Variants in HEATR4 observed in about 807,000 individuals in gnomAD.
The protein encoded by HEATR4 is HEAT repeat-containing protein 4.
In HEATR4, 95 loss-of-function variants were observed where a neutral mutation model predicts 108.8. That is an observed-to-expected ratio of 0.87 (90% CI 0.74 to 1.04). The LOEUF (loss-of-function observed/expected upper bound fraction) is 1.04. HEATR4 is among the 50% of genes least tolerant of loss of function. HEATR4 has a pLI of 0.00. For synonymous variants in HEATR4, 443 were observed against 459.4 expected (o/e 0.96, Z 0.46); for missense variants, 1,152 against 1,253.8 (o/e 0.92, Z 1.23).
At chr14:73,556,371 G>A (rs139857263) in intron 1 of HEATR4, among the ~76,000 whole-genome samples, 4,122 of 110,458 alleles carry the variant, frequency 0.037, 1,271 homozygotes, top group Non-Finnish European at 0.056. Flanking sequence ...GTTGCAGTGA[G>A]CCAAGATCAC....
At position 73,537,414 on chromosome 14, in the gene HEATR4, C is replaced by G. The variant is rs751072963; in HGVS notation, c.-151-7170G>C. ...CAGTTTGGCCGGATTATTTGGGTTC[C>G]TGCTCGGATGGCGGCGACGCTGATC... On this transcript the variant is annotated intron_variant, in intron 1 of 17. Transcript: ENST00000553558. 67 of 1,234,788 alleles carry G rather than the reference C, an allele frequency of 5.4e-5. 17 individuals carry two copies. Among genetic ancestry groups the G allele is most frequent in the Non-Finnish European group, 7.0e-5 (65 of 931,794 alleles). The allele number at this position is 1,234,788 out of a possible 1,614,324, so 76.5% of individuals were successfully genotyped here. A position where few individuals can be genotyped will look rare whatever the true frequency, so the allele number is the denominator to read the frequency against.
In HEATR4 at chr14:73,514,132, C is replaced by T; in HGVS notation, c.1313G>A (p.Arg438Lys). The T allele has an allele frequency of 6.2e-7, 1 of 1,614,202 alleles. No homozygotes were observed. The highest frequency in any genetic ancestry group is 8.5e-7 in the Non-Finnish European group (1 of 1,180,050). ...TGATTTTGCCTGCTTCTTCAATCTC[C>T]TGGTCTTAATAGGCACATCCTTCTC... ...VGEKDVPIKT[R>K]RLKKQAKSLQ... Residue 438 changes from arginine (R) to lysine (K), a missense_variant, in exon 6 of 18, where the codon AGG becomes AAG. Arg to Lys is a conservative substitution (Grantham distance 26). Transcript: ENST00000553558.
At position 73,492,163 on chromosome 14, in the gene HEATR4, C is replaced by T. The variant is rs142849889; in HGVS notation, c.2844+903G>A. ...GCCCCAACTTCAGTCAGGACGACCT[C>T]GGTGAGCCGGTGCTGCAGACCGTGC... On this transcript the variant is annotated intron_variant, in intron 17 of 17. Coordinates refer to ENST00000553558, the MANE Select transcript of HEATR4 (RefSeq NM_001220484.1). The surrounding 1 kb of genome is among the most constrained non-coding windows in gnomAD (Gnocchi z 4.9). The T allele has an allele frequency of 4.2e-4, 681 of 1,613,992 alleles. 2 individuals carry two copies. The African/African-American group carries it at 7.8e-3, about 18-fold the overall frequency.
intron 1 of HEATR4, among the ~76,000 whole-genome samples, chr14:73,532,962 T>A (rs71426976): frequency 0.37 from 39,770 of 107,656 alleles, 14,812 homozygotes; most frequent in Admixed American, 0.49. Flanking sequence ...CTCAAAAAAA[T>A]AAATAAATAA....
intron 1 of HEATR4, among the ~76,000 whole-genome samples, chr14:73,540,766 C>T (rs1453969733): frequency 1.0e-5 from 1 of 98,694 alleles, no homozygotes; most frequent in African/African-American, 3.7e-5. Context: ...TTTTTTGAGA[C>T]AGTGTCTCGC....
intron 17 of HEATR4, among the ~76,000 whole-genome samples, chr14:73,482,644 T>C (rs1415450451): frequency 6.6e-6 from 1 of 152,176 alleles, no homozygotes; most frequent in East Asian, 1.9e-4. Flanking sequence ...CTGTAGAACT[T>C]TACAGCAAGA....
the HEATR4 span, among the ~76,000 whole-genome samples, chr14:73,605,050 A>G: frequency 6.6e-6 from 1 of 152,072 alleles, no homozygotes; most frequent in Non-Finnish European, 1.5e-5. Context: ...TCATGTGTGC[A>G]TAAGAGTGGC....
the HEATR4 span, chr14:73,619,891 T>G: frequency 8.0e-6 from 12 of 1,501,292 alleles, no homozygotes; most frequent in Non-Finnish European, 1.1e-5. Context: ...TCATACAACT[T>G]GTGTTGGGTT....
chr14:73,523,089 G>A lies in HEATR4; in HGVS notation c.64C>T (p.Arg22Ter), dbSNP rs547969320. ...PHCFYQSLPP[R>*]LGWGMILNYS... is the part of the protein sequence containing the mutation. ...TTTAAAATCATGCCCCATCCCAGTC[G>A]TGGGGGCAGTGACTGATAGAAGCAA... Residue 22 changes from arginine (R) to a stop codon, truncating the protein, a stop_gained, in exon 3 of 18, where the codon CGA becomes TGA. Coordinates refer to ENST00000553558, the MANE Select transcript of HEATR4 (RefSeq NM_001220484.1). LOFTEE classifies it high-confidence loss of function. The A allele has an allele frequency of 1.1e-4, 173 of 1,611,762 alleles. No homozygotes were observed. Among genetic ancestry groups the A allele is most frequent in the Non-Finnish European group, 4.2e-5 (50 of 1,179,996 alleles).
the HEATR4 span, among the ~76,000 whole-genome samples, chr14:73,584,334 ATC>A: frequency 2.7e-5 from 4 of 150,382 alleles, no homozygotes; most frequent in Non-Finnish European, 5.9e-5. Flanking sequence ...ACTCACCTCC[ATC>A]TCTTTTTCTG....
Position 73,522,337 on chromosome 14 carries a change from A to T in HEATR4, c.816T>A (p.Asp272Glu), listed in dbSNP as rs1170857110. Residue 272 changes from aspartate to glutamate, a missense_variant, in exon 3 of 18, where the codon GAT (aspartate) becomes GAA (glutamate). Coordinates refer to ENST00000553558, the MANE Select transcript of HEATR4 (RefSeq NM_001220484.1). Reference protein sequence around the residue: ...LEAEETAEFEDQSVILPPQEK... With the variant: ...LEAEETAEFEEQSVILPPQEK... The stretch of plus-strand genomic sequence containing the variant: ...CCTGTGGGGGCAGGATGACACTTTG[A>T]TCCTCAAACTCTGCTGTCTCTTCTG... The T allele has an allele frequency of 6.2e-7, 1 of 1,614,178 alleles. No individual in the cohort carries two copies.
intron 1 of HEATR4, among the ~76,000 whole-genome samples, chr14:73,553,000 C>A (rs1424721548): frequency 8.7e-6 from 1 of 115,018 alleles, no homozygotes; most frequent in African/African-American, 2.8e-5. Context: ...CTGACTCCCA[C>A]TGTTCCTGGC....
At chr14:73,612,822 T>G in the HEATR4 span, 1 of 1,423,894 alleles carries the variant, frequency 7.0e-7, no homozygotes, top group Non-Finnish European at 9.3e-7. Context: ...CTGTGGGCGT[T>G]GGAGCCCGAG....
chr14:73,524,028 C>T (rs1278965056), intron 2 of HEATR4, among the ~76,000 whole-genome samples: 3 of 151,954 alleles, frequency 2.0e-5, no homozygotes, highest in East Asian at 1.9e-4. Context: ...CAGTGGCTCA[C>T]GCCTGTAATC....
At chr14:73,628,383 C>G in the HEATR4 span, among the ~76,000 whole-genome samples, 2 of 152,156 alleles carry the variant, frequency 1.3e-5, no homozygotes, top group Non-Finnish European at 2.9e-5. Flanking sequence ...CTCAAGCAAT[C>G]CTCCCATCTC....
chr14:73,491,173 G>A, intron 17 of HEATR4: 1 of 1,601,890 alleles, frequency 6.2e-7, no homozygotes, highest in Non-Finnish European at 8.5e-7. Context: ...GCATGGCAGC[G>A]CTGAGGACGC....
At chr14:73,604,365 A>T in the HEATR4 span, among the ~76,000 whole-genome samples, 91 of 151,156 alleles carry the variant, frequency 6.0e-4, no homozygotes, top group African/African-American at 2.0e-3. Context: ...GGGCTTCACC[A>T]TGTTGGCCAG....
chr14:73,567,369 T>TG, the HEATR4 span, among the ~76,000 whole-genome samples: 2 of 152,092 alleles, frequency 1.3e-5, no homozygotes, highest in Non-Finnish European at 2.9e-5. Flanking sequence ...CTGGGTTGGG[T>TG]GGGGACTTGG....
chr14:73,606,594 A>T, the HEATR4 span, among the ~76,000 whole-genome samples: 15 of 152,222 alleles, frequency 9.9e-5, no homozygotes, highest in African/African-American at 3.6e-4. Flanking sequence ...AGGTGAACCC[A>T]TTGGGTGGTT....
Sources: allele counts gnomAD v4.1 joint callset (sites outside exome capture counted in the v4.1 genomes callset), GRCh38; gene constraint gnomAD v4.1.1; non-coding constraint Gnocchi (gnomAD v3.1); transcripts MANE v1.5; gene names NCBI Gene and HGNC (gene_info 2026-07-23, HGNC 2026-07-21).